ADGRL2: variants seen among roughly 807,000 people sequenced by gnomAD.
ADGRL2 encodes the protein calcium-independent alpha-latrotoxin receptor 2.
Under a neutral mutation model 157.4 loss-of-function variants are expected in ADGRL2, and 44 were observed. The ratio of observed to expected loss-of-function variants is 0.28; its 90% CI spans 0.22 to 0.36. The LOEUF (loss-of-function observed/expected upper bound fraction) is 0.36, where lower values mean the gene tolerates loss of function less well. Among genes scored for constraint, ADGRL2 ranks in the 10% least tolerant of loss-of-function variants. The pLI, the probability that ADGRL2 is intolerant of heterozygous loss-of-function variation, is 1.00. For missense variants in ADGRL2, 1,510 were observed against 1,768.9 expected (o/e 0.85, Z 2.63); for synonymous variants, 585 against 624.7 (o/e 0.94, Z 0.95).
intron 1 of ADGRL2, among the ~76,000 whole-genome samples, chr1:81,320,242 A>T (rs1660410837): frequency 6.6e-6 from 1 of 152,160 alleles, no homozygotes; most frequent in Non-Finnish European, 1.5e-5. Context: ...GTTCAATTTG[A>T]TAGTTCCACC....
At chr1:81,376,854 A>C (rs1329713411) in intron 1 of ADGRL2, among the ~76,000 whole-genome samples, 2 of 152,180 alleles carry the variant, frequency 1.3e-5, no homozygotes, top group East Asian at 3.9e-4. Context: ...AGCAGAGTGC[A>C]TGGGTCAAGA....
chr1:81,839,817 A>G (rs2092466089), intron 2 of ADGRL2, among the ~76,000 whole-genome samples: 1 of 140,872 alleles, frequency 7.1e-6, no homozygotes, highest in South Asian at 2.2e-4. Flanking sequence ...CATCATATAT[A>G]TATGTTTTCC....
At chr1:81,954,906 C>T (rs1652997205) in intron 10 of ADGRL2, among the ~76,000 whole-genome samples, 1 of 152,082 alleles carries the variant, frequency 6.6e-6, no homozygotes, top group African/African-American at 2.4e-5. Flanking sequence ...TCAGTAATTA[C>T]CAATAGATCA....
intron 1 of ADGRL2, among the ~76,000 whole-genome samples, chr1:81,708,490 C>A (rs907233330): frequency 6.6e-6 from 1 of 152,068 alleles, no homozygotes; most frequent in Non-Finnish European, 1.5e-5. Context: ...TTTTCCTACA[C>A]GCATCTGCAG....
At chr1:81,913,994 A>C (rs186240697) in intron 3 of ADGRL2, among the ~76,000 whole-genome samples, 19 of 151,988 alleles carry the variant, frequency 1.3e-4, no homozygotes, top group Non-Finnish European at 2.4e-4. Context: ...TAATGCACAC[A>C]TACACACACA....
chr1:81,917,035 G>T (rs1340668308), intron 3 of ADGRL2, among the ~76,000 whole-genome samples: 1 of 151,194 alleles, frequency 6.6e-6, no homozygotes, highest in Admixed American at 6.6e-5. Flanking sequence ...GTCTCACTAT[G>T]TTGCCCAGGC....
chr1:81,990,594 A>C lies in ADGRL2; in HGVS notation c.3859A>C (p.Lys1287Gln), dbSNP rs141518056. The C allele has an allele frequency of 3.1e-6, 5 of 1,614,074 alleles. No homozygotes were observed. The African/African-American group carries it at 6.7e-5, about 22-fold the overall frequency. ...LVHNNLRGSS[K>Q]THNLELTLPV... ...GCACAACAACTTACGGGGCAGCAGCAAGACTCACAACCTCGAGCTCACGCT... is the reference window on the plus strand; with the variant it reads ...GCACAACAACTTACGGGGCAGCAGCCAGACTCACAACCTCGAGCTCACGCT... The change falls in exon 24 of 24, where the codon AAG (lysine) becomes CAG (glutamine). Residue 1287 changes from lysine to glutamine, a missense_variant. Transcript: ENST00000686636.
At chr1:81,642,216 C>G (rs966905059) in intron 3 of ADGRL2, among the ~76,000 whole-genome samples, 1 of 148,160 alleles carries the variant, frequency 6.7e-6, no homozygotes, top group Non-Finnish European at 1.5e-5. Context: ...CCACTGCACT[C>G]CAGCCTGGGC....
At chr1:81,659,672 T>C (rs532077263) in intron 3 of ADGRL2, among the ~76,000 whole-genome samples, 1 of 152,328 alleles carries the variant, frequency 6.6e-6, no homozygotes, top group Non-Finnish European at 1.5e-5. Flanking sequence ...TATCATTTCA[T>C]GATTGGTTAA....
chr1:81,722,651 C>T, intron 1 of ADGRL2: 3 of 1,375,830 alleles, frequency 2.2e-6, no homozygotes, highest in Middle Eastern at 2.5e-4. Flanking sequence ...GATGCTAGTA[C>T]AATGCTGAAA....
At chr1:81,495,190 A>C (rs759834157) in intron 2 of ADGRL2, among the ~76,000 whole-genome samples, 24 of 152,172 alleles carry the variant, frequency 1.6e-4, no homozygotes, top group Non-Finnish European at 3.1e-4. Context: ...GGATGTCATT[A>C]GCATATTCCC....
chr1:81,621,239 C>G (rs1197419121), intron 3 of ADGRL2, among the ~76,000 whole-genome samples: 2 of 152,106 alleles, frequency 1.3e-5, no homozygotes, highest in African/African-American at 4.8e-5. Flanking sequence ...TTCTTGGAGA[C>G]TACTCAGTGT....
chr1:81,901,634 G>GATCA (rs1293486859), intron 2 of ADGRL2, among the ~76,000 whole-genome samples: 76 of 151,422 alleles, frequency 5.0e-4, no homozygotes, highest in African/African-American at 1.8e-3. Context: ...GATCATTAAT[G>GATCA]TGATACAAAT....
At chr1:81,990,075 G>A (rs1230332045) in intron 23 of ADGRL2, 1 of 984,730 alleles carries the variant, frequency 1.0e-6, no homozygotes, top group Non-Finnish European at 1.2e-6. Flanking sequence ...GCAAGGGCAT[G>A]GAGTGAAGTC....
rs771653946 is a variant in ADGRL2, at chr1:81,950,428, C to T, written c.1450C>T (p.Pro484Ser). The T allele has an allele frequency of 6.2e-7, 1 of 1,613,972 alleles. No homozygotes were observed. Among genetic ancestry groups the T allele is most frequent in the Non-Finnish European group, 8.5e-7 (1 of 1,179,906 alleles). Residue 484 changes from proline to serine, a missense_variant, in exon 7 of 24, where the codon CCT (proline) becomes TCT (serine). Physicochemically the swap from Pro to Ser is moderately conservative, Grantham distance 74. Around this residue, in one of 4 missense-constraint regions of ADGRL2, gnomAD observed 325 missense variants for 333.2 expected, o/e 0.98. Coordinates refer to ENST00000686636, the MANE Select transcript of ADGRL2 (RefSeq NM_001366006.2). ...ATTAGACTCCAAGGGGATAAAGTGG[C>T]CTCAGACACAAAGGGGAATGATGGT... ...EALDSKGIKW[P>S]QTQRGMMVER...
intron 2 of ADGRL2, chr1:81,502,047 C>G (rs1395128333): frequency 1.2e-6 from 2 of 1,602,682 alleles, no homozygotes; most frequent in East Asian, 4.5e-5. Flanking sequence ...AACATGAACT[C>G]AGAGCCTGAG....
intron 2 of ADGRL2, among the ~76,000 whole-genome samples, chr1:81,479,041 CTTA>C (rs774872777): frequency 1.3e-5 from 2 of 152,004 alleles, no homozygotes; most frequent in Non-Finnish European, 2.9e-5. Context: ...TATAAAACAT[CTTA>C]TTATATATTG....
rs958827376 is a variant in ADGRL2 at position 81,966,161 on chromosome 1, C to T, written c.2121C>T (p.Thr707=). The change falls in exon 12 of 24, where the codon ACC becomes ACT. Residue 707 remains threonine, a synonymous_variant. Coordinates refer to ENST00000686636, the MANE Select transcript of ADGRL2 (RefSeq NM_001366006.2). The stretch of plus-strand genomic sequence containing the variant: ...GCTCAATCCAACTGTCCGCAAATAC[C>T]GTCAAACAGAACAGCAGGAATGGTA... ...AGSSIQLSAN[T]VKQNSRNGLA... is the part of the protein sequence containing the mutation. The T allele has an allele frequency of 6.8e-6, 11 of 1,613,990 alleles. No individual in the cohort carries two copies. The highest frequency in any genetic ancestry group is 1.7e-5 in the Admixed American group (1 of 60,008).
chr1:81,775,267 A>G (rs1419722555), intron 2 of ADGRL2, among the ~76,000 whole-genome samples: 1 of 152,226 alleles, frequency 6.6e-6, no homozygotes, highest in African/African-American at 2.4e-5. Flanking sequence ...AATGTCTCCA[A>G]TGCTGAAGCA....
Sources: allele counts gnomAD v4.1 joint callset (sites outside exome capture counted in the v4.1 genomes callset), GRCh38; gene constraint gnomAD v4.1.1; regional missense constraint gnomAD v4.1.1; transcripts MANE v1.5; gene names NCBI Gene and HGNC (gene_info 2026-07-23, HGNC 2026-07-21).